ZBTB16: variants seen among roughly 807,000 people sequenced by gnomAD.
ZBTB16 encodes the protein zinc finger and BTB domain-containing protein 16.
A neutral mutation model predicts 56.8 loss-of-function variants in ZBTB16; 8 were observed. That is an observed-to-expected ratio of 0.14 (90% CI 0.08 to 0.25). The LOEUF (loss-of-function observed/expected upper bound fraction) is 0.25. Among genes scored for constraint, ZBTB16 ranks in the 10% least tolerant of loss-of-function variants. The pLI, the probability that ZBTB16 is intolerant of heterozygous loss-of-function variation, is 1.00. For synonymous variants in ZBTB16, 363 were observed against 368.5 expected, an observed-to-expected ratio of 0.98 and a Z score of 0.17; for missense variants, 625 against 903.0, an observed-to-expected ratio of 0.69 and a Z score of 3.95.
rs1463960972 is a variant in ZBTB16, at chr11:114,143,060, T to C, written c.1269-13277T>C. Among the ~76,000 whole-genome samples the C allele has an allele frequency of 6.6e-6, 1 of 152,204 alleles. No individual in the cohort carries two copies. The highest frequency in any genetic ancestry group is 1.5e-5 in the Non-Finnish European group (1 of 68,034). ...CCCTGGCCAGCGTTGGTTTCTCTGC[T>C]GCCTTGGTGAGCGTGGGCTTGCTCC... On this transcript the variant is annotated intron_variant, in intron 2 of 6. Transcript: ENST00000335953. The surrounding 1 kb of genome is among the most constrained non-coding windows in gnomAD (Gnocchi z 6.4).
At chr11:114,199,812 G>T (rs1164208964) in intron 4 of ZBTB16, among the ~76,000 whole-genome samples, 1 of 152,088 alleles carries the variant, frequency 6.6e-6, no homozygotes, top group Non-Finnish European at 1.5e-5. Context: ...AATCATAATG[G>T]TTGCTGTAAG....
chr11:114,082,582 C>G lies in ZBTB16; in HGVS notation c.1268+18014C>G, dbSNP rs751509988. Among the ~76,000 whole-genome samples, 31 of 152,292 alleles carry G rather than the reference C, an allele frequency of 2.0e-4. 1 individual carries two copies. In the South Asian group the frequency reaches 2.1e-3, roughly 10 times the overall value. ...CATCCACTAGGCATGTGTCTGACTG[C>G]CCCCTGCTCCTTCCCTGCCTTCACG... On this transcript the variant is annotated intron_variant, in intron 2 of 6. Coordinates refer to ENST00000335953, the MANE Select transcript of ZBTB16 (RefSeq NM_006006.6).
intron 2 of ZBTB16, among the ~76,000 whole-genome samples, chr11:114,111,456 C>T (rs148280011): frequency 8.1e-4 from 123 of 152,222 alleles, no homozygotes; most frequent in African/African-American, 2.6e-3. Flanking sequence ...AACTGCCTAG[C>T]GCTGCGAACC....
chr11:114,248,206 T>G (rs1274384977), intron 6 of ZBTB16, among the ~76,000 whole-genome samples: 1 of 152,202 alleles, frequency 6.6e-6, no homozygotes. Context: ...TCCACATTAT[T>G]TTTTGTATTG....
At chr11:114,229,428 A>G (rs1024176078) in intron 4 of ZBTB16, among the ~76,000 whole-genome samples, 1 of 152,262 alleles carries the variant, frequency 6.6e-6, no homozygotes, top group Admixed American at 6.5e-5. Context: ...ACTGTAAATT[A>G]TATTTCCTTT....
At chr11:114,229,138 A>T (rs1453826997) in intron 4 of ZBTB16, among the ~76,000 whole-genome samples, 4 of 152,228 alleles carry the variant, frequency 2.6e-5, no homozygotes, top group African/African-American at 9.6e-5. Context: ...TCTGGGCACT[A>T]ATTCCAATTT....
At chr11:114,163,195 TC>T (rs141451006) in intron 3 of ZBTB16, among the ~76,000 whole-genome samples, 22,095 of 116,992 alleles carry the variant, frequency 0.19, 2,813 homozygotes, top group African/African-American at 0.39. Flanking sequence ...CCGTCCTCAG[TC>T]CCCCCCCAAC....
At chr11:114,131,671 C>T (rs763585620) in intron 2 of ZBTB16, among the ~76,000 whole-genome samples, 6 of 152,130 alleles carry the variant, frequency 3.9e-5, no homozygotes, top group Non-Finnish European at 8.8e-5. Context: ...ATAGCTCCCC[C>T]CCTTTTTTTC....
intron 2 of ZBTB16, among the ~76,000 whole-genome samples, chr11:114,141,613 A>G (rs1202444203): frequency 3.3e-5 from 5 of 152,208 alleles, no homozygotes; most frequent in African/African-American, 1.2e-4. Context: ...TGCTTGACAG[A>G]TGAGAAAACT....
intron 2 of ZBTB16, among the ~76,000 whole-genome samples, chr11:114,073,207 A>G (rs1939415141): frequency 6.6e-6 from 1 of 152,058 alleles, no homozygotes; most frequent in Non-Finnish European, 1.5e-5. Flanking sequence ...GAGGAAGGTT[A>G]CTGCAGAGGG....
At chr11:114,112,245 C>T (rs149676299) in intron 2 of ZBTB16, among the ~76,000 whole-genome samples, 91 of 152,276 alleles carry the variant, frequency 6.0e-4, no homozygotes, top group African/African-American at 2.1e-3. Flanking sequence ...CCCAGTCTAT[C>T]ATTTGTCCTA....
chr11:114,184,487 T>C (rs1943320144), intron 3 of ZBTB16, among the ~76,000 whole-genome samples: 1 of 152,004 alleles, frequency 6.6e-6, no homozygotes, highest in Admixed American at 6.6e-5. Context: ...ACCCATGGAG[T>C]CTTATCCACA....
At chr11:114,178,385 T>A (rs945043000) in intron 3 of ZBTB16, among the ~76,000 whole-genome samples, 3 of 152,242 alleles carry the variant, frequency 2.0e-5, no homozygotes, top group African/African-American at 7.2e-5. Context: ...AGCCCAGTTT[T>A]CTAGGTAAGA....
chr11:114,073,480 A>G (rs547261988), intron 2 of ZBTB16, among the ~76,000 whole-genome samples: 5 of 152,118 alleles, frequency 3.3e-5, no homozygotes, highest in Non-Finnish European at 5.9e-5. Flanking sequence ...TGGAAAAACT[A>G]TGGTTGGGTT....
intron 4 of ZBTB16, among the ~76,000 whole-genome samples, chr11:114,211,654 A>G (rs1259640231): frequency 1.3e-5 from 2 of 151,596 alleles, no homozygotes; most frequent in Admixed American, 6.6e-5. Context: ...GTTATTGGCG[A>G]CCCGCCCCAT....
intron 4 of ZBTB16, among the ~76,000 whole-genome samples, chr11:114,235,068 G>A (rs1348169983): frequency 6.6e-6 from 1 of 152,172 alleles, no homozygotes; most frequent in African/African-American, 2.4e-5. Flanking sequence ...GGAGGGGGAA[G>A]TTTCTAGTTT....
chr11:114,208,216 C>A (rs1190217403), intron 4 of ZBTB16, among the ~76,000 whole-genome samples: 1 of 152,154 alleles, frequency 6.6e-6, no homozygotes, highest in Admixed American at 6.5e-5. Flanking sequence ...ACCTTGGGGA[C>A]TTGGGCCTTT....
chr11:114,064,220 C>T lies in ZBTB16; in HGVS notation c.920C>T (p.Pro307Leu). The change falls in exon 2 of 7, where the codon CCA becomes CTA. Residue 307 changes from proline (P) to leucine (L), a missense_variant. By Grantham distance (98) the Pro-to-Leu change is moderately conservative. Transcript: ENST00000335953. The surrounding 1 kb of genome is among the most constrained non-coding windows in gnomAD (Gnocchi z 4.2). ...YGREESAEQVPPPAEAGQAPT... is the reference protein window; with the variant it reads ...YGREESAEQVLPPAEAGQAPT... ...CGAGAGGAGAGTGCCGAGCAGGTGC[C>T]ACCCCCAGCTGAGGCTGGCCAGGCC... is the stretch of plus-strand genomic sequence containing the variant. 5 of 1,614,022 alleles carry T rather than the reference C, an allele frequency of 3.1e-6. No individual in the cohort carries two copies. The highest frequency in any genetic ancestry group is 4.5e-5 in the East Asian group (2 of 44,880).
At chr11:114,068,742 C>T (rs984922386) in intron 2 of ZBTB16, among the ~76,000 whole-genome samples, 1 of 152,156 alleles carries the variant, frequency 6.6e-6, no homozygotes, top group Non-Finnish European at 1.5e-5. Context: ...AACACTGGGC[C>T]CTCCCTTTCT....
Sources: gnomAD v4.1 joint callset for allele counts (sites outside exome capture counted in the v4.1 genomes callset) on GRCh38, gnomAD v4.1.1 for gene constraint, Gnocchi (gnomAD v3.1) non-coding constraint, MANE v1.5 for transcripts, NCBI Gene and HGNC (gene_info 2026-07-23, HGNC 2026-07-21) for gene names.